LOC128462377: variants seen among roughly 807,000 people sequenced by gnomAD.
At chr16:89,338,881 G>A in the LOC128462377 span, among the ~76,000 whole-genome samples, 1 of 152,098 alleles carries the variant, frequency 6.6e-6, no homozygotes. Flanking sequence ...AATACTTGGA[G>A]CAAAATAAGC....
the LOC128462377 span, among the ~76,000 whole-genome samples, chr16:89,356,589 G>A: frequency 4.1e-5 from 6 of 148,140 alleles, no homozygotes; most frequent in African/African-American, 7.5e-5. Flanking sequence ...GGCTAACACA[G>A]TAAAACCCCA....
the LOC128462377 span, among the ~76,000 whole-genome samples, chr16:89,402,246 G>C: frequency 6.6e-6 from 1 of 152,100 alleles, no homozygotes; most frequent in Non-Finnish European, 1.5e-5. Flanking sequence ...ATTATATCTG[G>C]GTGCCTACAC....
the LOC128462377 span, among the ~76,000 whole-genome samples, chr16:89,353,412 C>A: frequency 1.3e-5 from 2 of 152,038 alleles, no homozygotes; most frequent in South Asian, 4.2e-4. Context: ...CAGAGGATCT[C>A]AAAAGTAGAG....
the LOC128462377 span, chr16:89,370,704 A>T: frequency 6.6e-6 from 1 of 152,336 alleles, no homozygotes; most frequent in Non-Finnish European, 1.5e-5. Flanking sequence ...GCAGGACCCG[A>T]GAGCAGAAGG....
chr16:89,416,275 G>C, the LOC128462377 span, among the ~76,000 whole-genome samples: 2 of 151,946 alleles, frequency 1.3e-5, no homozygotes, highest in East Asian at 3.9e-4. Context: ...CCTTTAATCA[G>C]AGAAGCCTGT....
the LOC128462377 span, among the ~76,000 whole-genome samples, chr16:89,361,096 T>C: frequency 6.6e-6 from 1 of 152,170 alleles, no homozygotes; most frequent in Non-Finnish European, 1.5e-5. Flanking sequence ...CCTACTCTCA[T>C]TGTGGAAACC....
chr16:89,399,692 G>A, the LOC128462377 span, among the ~76,000 whole-genome samples: 9 of 152,300 alleles, frequency 5.9e-5, no homozygotes, highest in South Asian at 6.2e-4. Context: ...GGGCGGTCGC[G>A]ACTATAACAA....
the LOC128462377 span, among the ~76,000 whole-genome samples, chr16:89,371,397 T>C: frequency 6.6e-6 from 1 of 152,080 alleles, no homozygotes; most frequent in Non-Finnish European, 1.5e-5. Flanking sequence ...AATCAAGTCA[T>C]TCCCTGCACA....
the LOC128462377 span, chr16:89,339,921 T>A: frequency 6.6e-6 from 1 of 152,224 alleles, no homozygotes; most frequent in African/African-American, 2.4e-5. Context: ...AGGTAACGCA[T>A]TGGACGGTTC....
At chr16:89,369,215 G>C in the LOC128462377 span, among the ~76,000 whole-genome samples, 1 of 152,156 alleles carries the variant, frequency 6.6e-6, no homozygotes, top group African/African-American at 2.4e-5. Flanking sequence ...AATCTTCAAA[G>C]GGCTGGTCTC....
chr16:89,330,629 C>T, the LOC128462377 span, among the ~76,000 whole-genome samples: 79 of 118,472 alleles, frequency 6.7e-4, no homozygotes, highest in African/African-American at 2.6e-3. Context: ...CCTCGTGACA[C>T]GGCAGTAGGT....
the LOC128462377 span, among the ~76,000 whole-genome samples, chr16:89,345,382 C>T: frequency 5.9e-5 from 9 of 152,062 alleles, no homozygotes; most frequent in Non-Finnish European, 2.9e-5. Flanking sequence ...GCTCTGCCCT[C>T]GTGGGTGGAC....
At chr16:89,399,032 G>A in the LOC128462377 span, among the ~76,000 whole-genome samples, 2 of 152,252 alleles carry the variant, frequency 1.3e-5, no homozygotes, top group South Asian at 2.1e-4. Context: ...TCTGTGAGAC[G>A]CAGTTTCCAA....
At chr16:89,353,143 AC>A in the LOC128462377 span, among the ~76,000 whole-genome samples, 1 of 152,150 alleles carries the variant, frequency 6.6e-6, no homozygotes, top group African/African-American at 2.4e-5. Context: ...GGAGTTCAAG[AC>A]CAGCCTGGCC....
chr16:89,407,386 C>G, the LOC128462377 span, among the ~76,000 whole-genome samples: 1 of 152,174 alleles, frequency 6.6e-6, no homozygotes, highest in African/African-American at 2.4e-5. Context: ...GAGATAAAAG[C>G]AGGAAGCCCC....
the LOC128462377 span, chr16:89,324,354 G>A: frequency 1.9e-6 from 2 of 1,058,934 alleles, no homozygotes; most frequent in East Asian, 5.9e-5. Flanking sequence ...ACAGAAGAGG[G>A]AAAAAGCCAG....
At chr16:89,377,473 C>T in the LOC128462377 span, among the ~76,000 whole-genome samples, 2 of 151,494 alleles carry the variant, frequency 1.3e-5, no homozygotes, top group African/African-American at 4.9e-5. Flanking sequence ...GACATGTGGG[C>T]CGGGGCAGGA....
chr16:89,375,303 C>G, the LOC128462377 span, among the ~76,000 whole-genome samples: 2 of 152,198 alleles, frequency 1.3e-5, no homozygotes, highest in African/African-American at 2.4e-5. Flanking sequence ...TATCTCAAGC[C>G]TTAAGCTAGT....
chr16:89,371,018 G>GT, the LOC128462377 span, among the ~76,000 whole-genome samples: 1 of 152,174 alleles, frequency 6.6e-6, no homozygotes, highest in Non-Finnish European at 1.5e-5. Flanking sequence ...AGAAAAATGT[G>GT]TTTGGCAATG....
Sources: allele counts gnomAD v4.1 joint callset (sites outside exome capture counted in the v4.1 genomes callset), GRCh38; gene constraint gnomAD v4.1.1; transcripts MANE v1.5.